Variants in FMN1 observed in about 807,000 individuals in gnomAD.
FMN1 encodes formin-1.
Under a neutral mutation model 132.4 loss-of-function variants are expected in FMN1, and 110 were observed. The ratio of observed to expected loss-of-function variants is 0.83; its 90% CI spans 0.71 to 0.97. The LOEUF (loss-of-function observed/expected upper bound fraction) is 0.97. Among genes scored for constraint, FMN1 ranks in the 50% least tolerant of loss-of-function variants. The probability of loss-of-function intolerance (pLI) is 0.00; values close to 1 mark genes in which losing one functional copy is unlikely to be tolerated. For synonymous variants in FMN1, 722 were observed against 651.7 expected, an observed-to-expected ratio of 1.11 and a Z score of -1.64; for missense variants, 1,792 against 1,705.3, an observed-to-expected ratio of 1.05 and a Z score of -0.90.
intron 3 of FMN1, among the ~76,000 whole-genome samples, chr15:33,168,430 T>A (rs1379405343): frequency 1.3e-5 from 2 of 152,182 alleles, no homozygotes; most frequent in African/African-American, 4.8e-5. Context: ...ACATAATGTT[T>A]GCAAAATTCC....
chr15:32,881,249 T>C (rs1336924342), intron 16 of FMN1, among the ~76,000 whole-genome samples: 1 of 152,242 alleles, frequency 6.6e-6, no homozygotes, highest in Admixed American at 6.5e-5. Context: ...ACTTTCTGCA[T>C]GTTTGTATAA....
chr15:32,888,442 G>C lies in FMN1; in HGVS notation c.3715-150C>G, dbSNP rs1755478746. ...TGCTCCTCTGCTATTCCTAAATTTG[G>C]ACTTGTGACTTTGAAGTGCTTTCTT... On this transcript the variant is annotated intron_variant, in intron 15 of 20. Coordinates refer to ENST00000616417, the MANE Select transcript of FMN1 (RefSeq NM_001277313.2). 7.2e-5 allele frequency: 47 copies of C among 653,238 alleles called. No homozygotes were observed. In the South Asian group the frequency reaches 1.3e-3, roughly 19 times the overall value. 40.5% of individuals were successfully genotyped at this position (653,238 alleles called of 1,614,324 possible).
chr15:33,064,784 G>A (rs1030546865), intron 6 of FMN1, 173 bp downstream of exon 6: 7 of 447,986 alleles, frequency 1.6e-5, no homozygotes, highest in East Asian at 3.6e-5. Context: ...TCAGAGGCTC[G>A]TTAACAATAA....
intron 7 of FMN1, among the ~76,000 whole-genome samples, chr15:33,002,680 C>T (rs951085695): frequency 6.6e-6 from 1 of 152,134 alleles, no homozygotes; most frequent in Admixed American, 6.5e-5. Flanking sequence ...GAAAATAAGT[C>T]CTTTGGTGCC....
chr15:33,114,906 C>T (rs951195603), intron 4 of FMN1, among the ~76,000 whole-genome samples: 12 of 129,760 alleles, frequency 9.2e-5, no homozygotes, highest in Non-Finnish European at 1.9e-4. Flanking sequence ...AGCATCTCTA[C>T]GTTACTGTCC....
intron 7 of FMN1, among the ~76,000 whole-genome samples, chr15:32,983,472 T>C (rs1289282703): frequency 6.6e-6 from 1 of 152,194 alleles, no homozygotes; most frequent in African/African-American, 2.4e-5. Flanking sequence ...AAACCTCAGA[T>C]GGTACACTTA....
intron 12 of FMN1, chr15:32,908,245 A>G: frequency 2.4e-6 from 1 of 410,480 alleles, no homozygotes; most frequent in Non-Finnish European, 4.4e-6. Flanking sequence ...AGTTGCTAGA[A>G]AAAGAAAGGG....
chr15:32,942,537 G>A (rs1289496038), intron 9 of FMN1, among the ~76,000 whole-genome samples: 3 of 152,166 alleles, frequency 2.0e-5, no homozygotes, highest in Non-Finnish European at 4.4e-5. Flanking sequence ...AGTGAGTTTG[G>A]CATAGCTACA....
chr15:33,016,781 CCA>C (rs2140990169), intron 6 of FMN1, among the ~76,000 whole-genome samples: 1 of 152,288 alleles, frequency 6.6e-6, no homozygotes, highest in South Asian at 2.1e-4. Context: ...CCCCGGTGTC[CCA>C]CACACCTGGG....
intron 6 of FMN1, among the ~76,000 whole-genome samples, chr15:33,028,392 G>C: frequency 6.6e-6 from 1 of 152,268 alleles, no homozygotes; most frequent in East Asian, 1.9e-4. Context: ...GAACTTTGCA[G>C]TGAGCCAAGA....
At chr15:32,987,326 G>A (rs2033130245) in intron 7 of FMN1, among the ~76,000 whole-genome samples, 1 of 152,158 alleles carries the variant, frequency 6.6e-6, no homozygotes. Context: ...TGACATGCTT[G>A]TTTGGTGCCA....
At chr15:32,874,012 T>C (rs1487570692) in intron 16 of FMN1, among the ~76,000 whole-genome samples, 2 of 143,626 alleles carry the variant, frequency 1.4e-5, no homozygotes, top group African/African-American at 5.5e-5. Flanking sequence ...AATTTTATTT[T>C]AGTTGTTTTT....
At chr15:32,906,278 C>T (rs1415641486) in intron 12 of FMN1, among the ~76,000 whole-genome samples, 2 of 152,008 alleles carry the variant, frequency 1.3e-5, no homozygotes, top group Admixed American at 6.6e-5. Flanking sequence ...TTTTGTATGG[C>T]CCATGAATTA....
At chr15:32,894,780 G>T (rs1214737554) in intron 15 of FMN1, among the ~76,000 whole-genome samples, 1 of 139,832 alleles carries the variant, frequency 7.2e-6, no homozygotes, top group Non-Finnish European at 1.5e-5. Context: ...AGAGAAGACA[G>T]TTAAAAAAAA....
At chr15:32,895,684 T>TG in intron 15 of FMN1, among the ~76,000 whole-genome samples, 1 of 152,326 alleles carries the variant, frequency 6.6e-6, no homozygotes, top group South Asian at 2.1e-4. Context: ...GTCTTCTATA[T>TG]GTCTTTTGTA....
chr15:33,010,403 G>C (rs889277133), intron 6 of FMN1, among the ~76,000 whole-genome samples: 1 of 152,054 alleles, frequency 6.6e-6, no homozygotes, highest in Admixed American at 6.5e-5. Flanking sequence ...TGATTATGGT[G>C]GTTGTTACAT....
At chr15:32,962,477 A>C (rs949721514) in intron 9 of FMN1, among the ~76,000 whole-genome samples, 11 of 151,832 alleles carry the variant, frequency 7.2e-5, no homozygotes, top group South Asian at 4.2e-4. Context: ...GCAACAAAAG[A>C]CAAAATTGAC....
At chr15:33,175,244 T>G (rs549479996) in intron 3 of FMN1, among the ~76,000 whole-genome samples, 3 of 152,256 alleles carry the variant, frequency 2.0e-5, no homozygotes, top group Non-Finnish European at 4.4e-5. Context: ...TTTTTGTTCT[T>G]GTTTTTTACA....
intron 8 of FMN1, among the ~76,000 whole-genome samples, chr15:32,965,968 C>G (rs1291129324): frequency 6.6e-6 from 1 of 152,152 alleles, no homozygotes; most frequent in Non-Finnish European, 1.5e-5. Context: ...GTGCTTATCT[C>G]TGTGGTGCTG....
Sources: gnomAD v4.1 joint callset for allele counts (sites outside exome capture counted in the v4.1 genomes callset) on GRCh38, gnomAD v4.1.1 for gene constraint, MANE v1.5 for transcripts, NCBI Gene and HGNC (gene_info 2026-07-23, HGNC 2026-07-21) for gene names.